The following NRXN1 variants were observed in gnomAD, a reference collection of about 807,000 sequenced individuals.
NRXN1 encodes the protein neurexin 1, also known as neurexin-1.
NRXN1 carries 39 observed loss-of-function variants against 150.9 expected under a neutral mutation model. That is an observed-to-expected ratio of 0.26 (90% CI 0.20 to 0.34). The LOEUF is 0.34. NRXN1 is among the 10% of genes least tolerant of loss of function. The pLI is 1.00. For synonymous variants in NRXN1, 924 were observed against 757.0 expected (o/e 1.22, Z -3.62); for missense variants, 1,815 against 1,949.9 (o/e 0.93, Z 1.30).
chr2:50,959,286 G>A (rs566863542), intron 2 of NRXN1, among the ~76,000 whole-genome samples: 1 of 152,048 alleles, frequency 6.6e-6, no homozygotes, highest in East Asian at 1.9e-4. Flanking sequence ...GAAAATATAT[G>A]TTCACATAAA....
chr2:50,100,985 C>G (rs548052088), intron 18 of NRXN1, among the ~76,000 whole-genome samples: 2 of 152,134 alleles, frequency 1.3e-5, no homozygotes, highest in South Asian at 2.1e-4. Context: ...AGTGGTCTGG[C>G]ATCATAACAA....
At chr2:50,092,515 G>A (rs1225414831) in intron 18 of NRXN1, among the ~76,000 whole-genome samples, 1 of 152,162 alleles carries the variant, frequency 6.6e-6, no homozygotes, top group East Asian at 1.9e-4. Flanking sequence ...AAATCACACG[G>A]AGGAAGAAGG....
intron 5 of NRXN1, among the ~76,000 whole-genome samples, chr2:50,811,411 G>C (rs1470677533): frequency 6.6e-6 from 1 of 152,144 alleles, no homozygotes; most frequent in Non-Finnish European, 1.5e-5. Flanking sequence ...AATAAGTGAT[G>C]TCACAGACAA....
intron 21 of NRXN1, among the ~76,000 whole-genome samples, chr2:50,007,855 TA>T (rs370484292): frequency 0.013 from 1,988 of 152,220 alleles, 43 homozygotes; most frequent in African/African-American, 0.043. Flanking sequence ...ACCAACAGTG[TA>T]AAAGTGTTCC....
At chr2:50,383,264 C>T (rs1316607825) in intron 17 of NRXN1, among the ~76,000 whole-genome samples, 2 of 152,018 alleles carry the variant, frequency 1.3e-5, no homozygotes, top group Non-Finnish European at 2.9e-5. Context: ...CTAGGAAATA[C>T]TCTAGAAGAT....
In NRXN1 at chr2:50,506,629, G is replaced by A. The variant is rs747269221; in HGVS notation, c.2375-12C>T. ...CTCGGGACCTTTGCCTGTAGAATAT[G>A]CCAAACAGTCATTATGGACACTCAG... is the stretch of plus-strand genomic sequence containing the variant. On this transcript the variant is annotated splice_polypyrimidine_tract_variant and intron_variant, in intron 12 of 22. Transcript: ENST00000401669. 1 of 1,612,380 alleles carries A rather than the reference G, an allele frequency of 6.2e-7. No homozygotes were observed. The highest frequency in any genetic ancestry group is 1.1e-5 in the South Asian group (1 of 90,896).
chr2:50,881,857 T>C (rs1385466649), intron 5 of NRXN1, among the ~76,000 whole-genome samples: 1 of 151,792 alleles, frequency 6.6e-6, no homozygotes, highest in Non-Finnish European at 1.5e-5. Context: ...ACTACTCCTG[T>C]CCCAGGAGTT....
intron 2 of NRXN1, among the ~76,000 whole-genome samples, chr2:50,997,129 G>A (rs1449542444): frequency 6.6e-6 from 1 of 152,076 alleles, no homozygotes; most frequent in Non-Finnish European, 1.5e-5. Flanking sequence ...GGGAGGCTGA[G>A]CTGGAGGCTA....
chr2:50,640,379 T>G (rs1363946428), intron 5 of NRXN1, among the ~76,000 whole-genome samples: 1 of 152,208 alleles, frequency 6.6e-6, no homozygotes, highest in Non-Finnish European at 1.5e-5. Flanking sequence ...AAATTATACT[T>G]TAGATATGAT....
intron 17 of NRXN1, among the ~76,000 whole-genome samples, chr2:50,287,448 G>A (rs551796412): frequency 1.3e-5 from 2 of 152,116 alleles, no homozygotes; most frequent in African/African-American, 4.8e-5. Context: ...CCATTTTAAT[G>A]CTTTTGTTTT....
At chr2:49,956,484 C>T (rs549874124) in intron 21 of NRXN1, among the ~76,000 whole-genome samples, 1 of 152,192 alleles carries the variant, frequency 6.6e-6, no homozygotes, top group African/African-American at 2.4e-5. Flanking sequence ...GTTTATTTTT[C>T]TCCTTTTCCC....
chr2:50,354,177 T>A (rs1572650842), intron 17 of NRXN1, among the ~76,000 whole-genome samples: 2 of 152,290 alleles, frequency 1.3e-5, no homozygotes, highest in Admixed American at 1.3e-4. Flanking sequence ...AACTTCAAGA[T>A]GTCTATTATA....
intron 5 of NRXN1, among the ~76,000 whole-genome samples, chr2:50,771,703 G>A (rs1703033438): frequency 6.6e-6 from 1 of 152,134 alleles, no homozygotes; most frequent in Non-Finnish European, 1.5e-5. Flanking sequence ...CGTGAAGGAA[G>A]TATTTAAAAG....
At chr2:50,756,529 T>A (rs1183338576) in intron 5 of NRXN1, among the ~76,000 whole-genome samples, 1 of 151,826 alleles carries the variant, frequency 6.6e-6, no homozygotes, top group East Asian at 1.9e-4. Flanking sequence ...TTCTAGCAAT[T>A]TGCATCAGGG....
Position 50,258,145 on chromosome 2 carries a change from T to C in NRXN1, c.3365-21175A>G, listed in dbSNP as rs561620998. ...GGTTGAGGTGGCTGTGGCAATTTCT[T>C]AAAACAAGACAACAGTGCAGTTTGC... is the stretch of plus-strand genomic sequence containing the variant. On this transcript the variant is annotated intron_variant, in intron 17 of 22. Transcript: ENST00000401669. Among the ~76,000 whole-genome samples, 46 of 152,140 alleles carry C rather than the reference T, an allele frequency of 3.0e-4. No individual in the cohort carries two copies. The South Asian group carries it at 9.5e-3, about 32-fold the overall frequency.
At position 50,936,961 on chromosome 2, in the gene NRXN1, A is replaced by G. The variant is rs145004496; in HGVS notation, c.773-11006T>C. On this transcript the variant is annotated intron_variant, in intron 2 of 22. Transcript: ENST00000401669. ...CTAGGCATTTCTTACCAATACTTCA[A>G]TGTTTTATCTATTCATCTTGAAGAA... 4.5e-3 allele frequency among the ~76,000 whole-genome samples: 688 copies of G among 152,250 alleles called. 4 individuals carry two copies. The highest frequency in any genetic ancestry group is 0.016 in the African/African-American group (665 of 41,572).
chr2:50,760,647 G>A (rs1574382664), intron 5 of NRXN1, among the ~76,000 whole-genome samples: 1 of 151,454 alleles, frequency 6.6e-6, no homozygotes, highest in African/African-American at 2.4e-5. Context: ...AAGTCTGGCA[G>A]AATCTCTGAT....
chr2:50,935,273 A>G (rs1368647048), intron 2 of NRXN1, among the ~76,000 whole-genome samples: 1 of 152,180 alleles, frequency 6.6e-6, no homozygotes, highest in Non-Finnish European at 1.5e-5. Context: ...AATAGTCAAC[A>G]TTTCTGTAAG....
intron 17 of NRXN1, among the ~76,000 whole-genome samples, chr2:50,322,186 G>A (rs756754758): frequency 2.0e-5 from 3 of 152,132 alleles, no homozygotes; most frequent in Admixed American, 6.6e-5. Context: ...CAAGGACCAC[G>A]AAGGCCAATT....
Sources: allele counts gnomAD v4.1 joint callset (sites outside exome capture counted in the v4.1 genomes callset), GRCh38; gene constraint gnomAD v4.1.1; transcripts MANE v1.5; gene names NCBI Gene and HGNC (gene_info 2026-07-23, HGNC 2026-07-21).